Variants in MYSM1 observed in about 807,000 individuals in gnomAD.
The protein encoded by MYSM1 is deubiquitinase MYSM1.
Under a neutral mutation model 116.0 loss-of-function variants are expected in MYSM1, and 51 were observed. The ratio of observed to expected loss-of-function variants is 0.44; its 90% CI spans 0.35 to 0.56. MYSM1 has a LOEUF of 0.56. Ranked by LOEUF, MYSM1 falls within the 20% of genes least tolerant of loss-of-function variation. The probability of loss-of-function intolerance (pLI) is 0.00; values close to 1 mark genes in which losing one functional copy is unlikely to be tolerated. For missense variants in MYSM1, 900 were observed against 974.9 expected, an observed-to-expected ratio of 0.92 and a Z score of 1.02; for synonymous variants, 313 against 315.2, an observed-to-expected ratio of 0.99 and a Z score of 0.07.
intron 6 of MYSM1, 148 bp from the exon 7 acceptor site, chr1:58,685,399 T>G (rs973206327): frequency 2.0e-6 from 1 of 491,152 alleles, no homozygotes; most frequent in African/African-American, 2.0e-5. Context: ...ATATAGACTA[T>G]GCTCTTAAAA....
At chr1:58,660,917 TATA>T (rs1457474326) in intron 19 of MYSM1, among the ~76,000 whole-genome samples, 2 of 152,256 alleles carry the variant, frequency 1.3e-5, no homozygotes, top group East Asian at 1.9e-4. Flanking sequence ...CTCCATTGTG[TATA>T]ATAATAATCT....
chr1:58,676,108 G>C (rs115667126), intron 9 of MYSM1, among the ~76,000 whole-genome samples: 1 of 152,204 alleles, frequency 6.6e-6, no homozygotes, highest in Non-Finnish European at 1.5e-5. Flanking sequence ...ATGAATGGTT[G>C]TGTCATTTTA....
At chr1:58,660,886 TAATAA>T (rs1644379984) in intron 19 of MYSM1, among the ~76,000 whole-genome samples, 1 of 152,118 alleles carries the variant, frequency 6.6e-6, no homozygotes. Flanking sequence ...CTTTCAAATT[TAATAA>T]AATAAGAAAA....
intron 1 of MYSM1, among the ~76,000 whole-genome samples, chr1:58,698,045 C>T (rs6656503): frequency 0.37 from 45,945 of 125,280 alleles, 9,118 homozygotes; most frequent in Middle Eastern, 0.56. Context: ...AAATTCCATA[C>T]GGTTGGAGCT....
In MYSM1 at chr1:58,676,905, T is replaced by C. The variant is rs758370444; in HGVS notation, c.1390+21A>G. ...GATAAAAAATGTCGAGTAAAAGATG[T>C]TGTTGGGTTTTTATTTTTACCACAT... On this transcript the variant is annotated intron_variant, in intron 9 of 19. Transcript: ENST00000472487. 2.5e-6 allele frequency: 4 copies of C among 1,606,324 alleles called. 1 individual carries two copies. The highest frequency in any genetic ancestry group is 1.1e-5 in the South Asian group (1 of 89,948).
chr1:58,655,543 G>A lies in MYSM1; in HGVS notation c.*4454C>T, dbSNP rs1644308703. 1 of 152,038 alleles carries A rather than the reference G, an allele frequency of 6.6e-6. No homozygotes were observed. Among genetic ancestry groups the A allele is most frequent in the African/African-American group, 2.4e-5 (1 of 41,398 alleles). 9.4% of individuals were successfully genotyped at this position (152,038 alleles called of 1,614,324 possible). ...TCCAGGAAAAATGTAAGGTGGCTTA[G>A]AAGATAGACTCAGAATATACTAGAA... is the stretch of plus-strand genomic sequence containing the variant. On this transcript the variant is annotated 3_prime_UTR_variant, in exon 20 of 20. Transcript: ENST00000472487.
chr1:58,661,489 T>C lies in MYSM1; in HGVS notation c.2187A>G (p.Val729=). The part of the protein sequence containing the change: ...GSYRLPYKFE[V]QQMLEEPQWG... ...ACTGAGGTTCTTCTAACATCTGCTG[T>C]ACTTCAAATTTGTAAGGTAAGCCTA... The change falls in exon 18 of 20, where the codon GTA becomes GTG. Residue 729 remains valine (V), a synonymous_variant. Transcript: ENST00000472487. 1.9e-6 allele frequency: 3 copies of C among 1,603,344 alleles called. No individual in the cohort carries two copies. Among genetic ancestry groups the C allele is most frequent in the Non-Finnish European group, 2.6e-6 (3 of 1,171,220 alleles).
Position 58,659,864 on chromosome 1 carries a change from G to T in MYSM1, c.*133C>A. On this transcript the variant is annotated 3_prime_UTR_variant, in exon 20 of 20. Transcript: ENST00000472487. ...TCTTCCTTTTCACATGATTTATGTGGCAAAGTTTGGATTTTGTGAAATAGA... is the reference window on the plus strand; with the variant it reads ...TCTTCCTTTTCACATGATTTATGTGTCAAAGTTTGGATTTTGTGAAATAGA... 2 of 605,398 alleles carry T rather than the reference G, an allele frequency of 3.3e-6. No homozygotes were observed. Among genetic ancestry groups the T allele is most frequent in the Non-Finnish European group, 5.4e-6 (2 of 370,526 alleles). The allele number at this position is 605,398 out of a possible 1,614,324, so 37.5% of individuals were successfully genotyped here. A position where few individuals can be genotyped will look rare whatever the true frequency, so the allele number is the denominator to read the frequency against.
rs1452787666 is a variant in MYSM1 at position 58,658,574 on chromosome 1, A to T, written c.*1423T>A. On this transcript the variant is annotated 3_prime_UTR_variant, in exon 20 of 20. Coordinates refer to ENST00000472487, the MANE Select transcript of MYSM1 (RefSeq NM_001085487.3). ...AAGCTGACTCACTGCTTCTTCCAAT[A>T]CTCCTTATTCTTCATTGGCTATTGA... The T allele has an allele frequency of 1.3e-5, 2 of 152,076 alleles. No homozygotes were observed. The highest frequency in any genetic ancestry group is 4.8e-5 in the African/African-American group (2 of 41,422). 9.4% of individuals were successfully genotyped at this position (152,076 alleles called of 1,614,324 possible).
chr1:58,681,956 A>T lies in MYSM1; in HGVS notation c.1088T>A (p.Val363Glu). The change falls in exon 8 of 20, where the codon GTA (valine) becomes GAA (glutamate). Residue 363 changes from valine (V) to glutamate (E), a missense_variant. By Grantham distance (121) the Val-to-Glu change is moderately radical. This residue lies in a region of MYSM1 where 622 missense variants were observed against 623.7 expected (regional missense o/e 1.00). Coordinates refer to ENST00000472487, the MANE Select transcript of MYSM1 (RefSeq NM_001085487.3). Reference protein sequence around the residue: ...NEMLFHSCQMVEESHEEEELK... With the variant: ...NEMLFHSCQMEEESHEEEELK... ...CTCTTCTTCCTCATGGCTTTCCTCT[A>T]CCATTTGGCAAGAATGAAAAAGCAT... 6.2e-7 allele frequency: 1 copy of T among 1,614,000 alleles called. No homozygotes were observed. The highest frequency in any genetic ancestry group is 8.5e-7 in the Non-Finnish European group (1 of 1,180,000).
At chr1:58,672,770 C>G (rs1435521804) in intron 11 of MYSM1, among the ~76,000 whole-genome samples, 1 of 152,114 alleles carries the variant, frequency 6.6e-6, no homozygotes, top group African/African-American at 2.4e-5. Context: ...GAAACCTGCC[C>G]TGATCACAGC....
chr1:58,681,456 T>C (rs1390293556), intron 8 of MYSM1, among the ~76,000 whole-genome samples: 1 of 152,244 alleles, frequency 6.6e-6, no homozygotes, highest in Non-Finnish European at 1.5e-5. Context: ...AAGTACATGA[T>C]AAACCGGAAA....
chr1:58,690,479 T>C, intron 3 of MYSM1, 62 bp from the exon 4 acceptor site: 1 of 1,185,508 alleles, frequency 8.4e-7, no homozygotes, highest in Non-Finnish European at 1.2e-6. Flanking sequence ...TTACATTACT[T>C]ATACAAAACG....
At chr1:58,685,979 T>C (rs1644822312) in intron 6 of MYSM1, among the ~76,000 whole-genome samples, 1 of 152,180 alleles carries the variant, frequency 6.6e-6, no homozygotes, top group African/African-American at 2.4e-5. Flanking sequence ...CCAGGCTGAG[T>C]ACAGTGGTGT....
At chr1:58,677,451 T>G (rs1644671797) in intron 8 of MYSM1, among the ~76,000 whole-genome samples, 1 of 152,152 alleles carries the variant, frequency 6.6e-6, no homozygotes, top group Non-Finnish European at 1.5e-5. Context: ...CTTAGATTCA[T>G]CTACTCTTAT....
At chr1:58,671,743 A>C (rs1644564771) in intron 12 of MYSM1, 127 bp downstream of exon 12, 1 of 678,736 alleles carries the variant, frequency 1.5e-6, no homozygotes, top group Non-Finnish European at 2.4e-6. Context: ...AAAAAAATCT[A>C]AAAAATTGTA....
rs1472589220 is a variant in MYSM1 at position 58,656,295 on chromosome 1, AT to A, written c.*3701del. On this transcript the variant is annotated 3_prime_UTR_variant, in exon 20 of 20. Transcript: ENST00000472487. ...ACTGGGAGCAGCATTAAATAGCTTC[AT>A]GGAAACATGCATGGTCTGTCCATCT... 1 of 152,234 alleles carries A rather than the reference AT, an allele frequency of 6.6e-6. No homozygotes were observed. The highest frequency in any genetic ancestry group is 2.4e-5 in the African/African-American group (1 of 41,448). The allele number at this position is 152,234 out of a possible 1,614,324, so 9.4% of individuals were successfully genotyped here. A position where few individuals can be genotyped will look rare whatever the true frequency, so the allele number is the denominator to read the frequency against.
chr1:58,692,929 A>C lies in MYSM1; in HGVS notation c.150T>G (p.Pro50=), dbSNP rs764547606. The change falls in exon 3 of 20, where the codon CCT becomes CCG. Residue 50 remains proline, a splice_region_variant and synonymous_variant. Coordinates refer to ENST00000472487, the MANE Select transcript of MYSM1 (RefSeq NM_001085487.3). ...CACTGATGGTGTTATCCAAGGTCCA[A>C]GGCTATTAAAAAAGAGAATATATTT... is the stretch of plus-strand genomic sequence containing the variant. The part of the protein sequence containing the change: ...SSWRTENGLI[P]WTLDNTISEE... The C allele has an allele frequency of 1.9e-6, 3 of 1,591,906 alleles. No homozygotes were observed. The highest frequency in any genetic ancestry group is 2.6e-6 in the Non-Finnish European group (3 of 1,172,654).
At chr1:58,664,374 A>G (rs942099087) in intron 17 of MYSM1, among the ~76,000 whole-genome samples, 7 of 152,202 alleles carry the variant, frequency 4.6e-5, no homozygotes, top group African/African-American at 1.7e-4. Flanking sequence ...TTCAGTAAAA[A>G]CCCATAGTGT....
Sources: gnomAD v4.1 joint callset for allele counts (sites outside exome capture counted in the v4.1 genomes callset) on GRCh38, gnomAD v4.1.1 for gene constraint, gnomAD v4.1.1 regional missense constraint, MANE v1.5 for transcripts, NCBI Gene and HGNC (gene_info 2026-07-23, HGNC 2026-07-21) for gene names.